CAMK2A: variants seen among roughly 807,000 people sequenced by gnomAD.
CAMK2A encodes the protein calcium/calmodulin-dependent protein kinase type II subunit alpha.
In CAMK2A, 7 loss-of-function variants were observed where a neutral mutation model predicts 79.2. The ratio of observed to expected loss-of-function variants is 0.09; its 90% CI spans 0.05 to 0.17. CAMK2A has a LOEUF of 0.17. Ranked by LOEUF, CAMK2A falls within the 10% of genes least tolerant of loss-of-function variation. The probability of loss-of-function intolerance (pLI) is 1.00; values close to 1 mark genes in which losing one functional copy is unlikely to be tolerated. For missense variants in CAMK2A, 214 were observed against 646.4 expected, an observed-to-expected ratio of 0.33 and a Z score of 7.25; for synonymous variants, 242 against 251.7, an observed-to-expected ratio of 0.96 and a Z score of 0.36.
chr5:150,270,790 G>T (rs1193113313), intron 2 of CAMK2A, among the ~76,000 whole-genome samples: 1 of 152,082 alleles, frequency 6.6e-6, no homozygotes, highest in African/African-American at 2.4e-5. Context: ...GACTCAACAA[G>T]TTGCCAAAGA....
upstream of CAMK2A, chr5:150,289,922 G>C (rs914541385): frequency 5.2e-5 from 24 of 463,842 alleles, no homozygotes; most frequent in Non-Finnish European, 7.9e-6. Context: ...ACCTGCTCTC[G>C]GACGCCCTGA....
intron 15 of CAMK2A, 84 bp downstream of exon 15, chr5:150,238,616 C>T (rs749114631): frequency 8.4e-6 from 11 of 1,307,264 alleles, no homozygotes; most frequent in South Asian, 5.0e-5. Flanking sequence ...GAGGTTGGCA[C>T]GTGGGAGCTG....
chr5:150,275,381 G>A (rs1562196631), intron 1 of CAMK2A, among the ~76,000 whole-genome samples: 1 of 151,838 alleles, frequency 6.6e-6, no homozygotes, highest in Non-Finnish European at 1.5e-5. Flanking sequence ...CTATGAAGGG[G>A]TTTTTTTTCA....
chr5:150,222,923 AC>A (rs1167788949), intron 18 of CAMK2A, 65 bp downstream of exon 18: 2 of 1,510,118 alleles, frequency 1.3e-6, no homozygotes, highest in African/African-American at 2.8e-5. Context: ...CCCCGACGTA[AC>A]CCCCTCCAGG....
At chr5:150,227,195 T>C (rs974233929) in intron 17 of CAMK2A, among the ~76,000 whole-genome samples, 3 of 152,212 alleles carry the variant, frequency 2.0e-5, no homozygotes, top group Non-Finnish European at 2.9e-5. Flanking sequence ...TGCACCATGC[T>C]CCTGCCTGAA....
At chr5:150,238,867 A>G in intron 14 of CAMK2A, 119 bp from the exon 15 acceptor site, 1 of 822,380 alleles carries the variant, frequency 1.2e-6, no homozygotes, top group Non-Finnish European at 1.9e-6. Flanking sequence ...TCTGCCTTCC[A>G]GATGCTGTCC....
chr5:150,259,905 G>T (rs1353400503), intron 3 of CAMK2A, among the ~76,000 whole-genome samples: 1 of 151,832 alleles, frequency 6.6e-6, no homozygotes, highest in Non-Finnish European at 1.5e-5. Context: ...GGAGACGGAG[G>T]TTGCAATAAG....
chr5:150,236,607 G>A (rs1232974465), intron 15 of CAMK2A, among the ~76,000 whole-genome samples: 2 of 152,162 alleles, frequency 1.3e-5, no homozygotes, highest in Admixed American at 6.5e-5. Context: ...TTACCTCCAC[G>A]GTCCCTGCCT....
intron 15 of CAMK2A, among the ~76,000 whole-genome samples, chr5:150,236,521 C>T (rs955375779): frequency 3.9e-5 from 6 of 152,202 alleles, no homozygotes; most frequent in Admixed American, 1.3e-4. Context: ...GTGAAGGAAA[C>T]TGAAGCTCAG....
intron 13 of CAMK2A, among the ~76,000 whole-genome samples, 164 bp from the exon 14 acceptor site, chr5:150,239,900 C>T (rs1301769776): frequency 6.6e-6 from 1 of 152,126 alleles, no homozygotes; most frequent in South Asian, 2.1e-4. Context: ...GGAGTCAAGG[C>T]CACCAGCAAC....
At chr5:150,241,452 C>T (rs563438896) in intron 13 of CAMK2A, among the ~76,000 whole-genome samples, 2 of 138,874 alleles carry the variant, frequency 1.4e-5, no homozygotes, top group African/African-American at 5.4e-5. Context: ...CTCTCTTTTA[C>T]TCCGTTCCCT....
intron 13 of CAMK2A, among the ~76,000 whole-genome samples, chr5:150,241,087 T>C (rs995525305): frequency 1.3e-5 from 2 of 152,224 alleles, no homozygotes; most frequent in African/African-American, 4.8e-5. Context: ...TGAAGGAGGC[T>C]GAGCTACAAA....
At chr5:150,276,572 C>T (rs1224201314) in intron 1 of CAMK2A, among the ~76,000 whole-genome samples, 1 of 152,166 alleles carries the variant, frequency 6.6e-6, no homozygotes, top group Non-Finnish European at 1.5e-5. Context: ...CCTTTAGGTC[C>T]CCCTCTAGCT....
At chr5:150,241,600 TCTC>T (rs1408213732) in intron 13 of CAMK2A, among the ~76,000 whole-genome samples, 3 of 123,926 alleles carry the variant, frequency 2.4e-5, no homozygotes, top group African/African-American at 9.5e-5. Context: ...GTCCTCTTCC[TCTC>T]CTCTCTTCTC....
chr5:150,255,092 C>T (rs990522580), intron 6 of CAMK2A, among the ~76,000 whole-genome samples: 2 of 152,170 alleles, frequency 1.3e-5, no homozygotes, highest in Non-Finnish European at 2.9e-5. Flanking sequence ...TCCTGGGTCT[C>T]GGTAACCGTC....
At chr5:150,240,520 G>A (rs1370146110) in intron 13 of CAMK2A, among the ~76,000 whole-genome samples, 1 of 152,168 alleles carries the variant, frequency 6.6e-6, no homozygotes, top group East Asian at 1.9e-4. Context: ...AGCATTTTGG[G>A]GATTTGTAGC....
chr5:150,276,909 C>A (rs1346701918), intron 1 of CAMK2A, among the ~76,000 whole-genome samples: 1 of 151,990 alleles, frequency 6.6e-6, no homozygotes, highest in Non-Finnish European at 1.5e-5. Flanking sequence ...AATTGGCTGC[C>A]TCAGAATCCC....
At chr5:150,282,122 G>T (rs906819534) in intron 1 of CAMK2A, among the ~76,000 whole-genome samples, 2 of 152,020 alleles carry the variant, frequency 1.3e-5, no homozygotes, top group African/African-American at 4.8e-5. Context: ...CACCTCTCCC[G>T]TCCTCTCGAC....
In CAMK2A at chr5:150,289,651, C is replaced by A; in HGVS notation, c.-26G>T. The A allele has an allele frequency of 6.2e-7, 1 of 1,605,854 alleles. No individual in the cohort carries two copies. Among genetic ancestry groups the A allele is most frequent in the Non-Finnish European group, 8.5e-7 (1 of 1,173,320 alleles). On this transcript the variant is annotated 5_prime_UTR_variant, in exon 1 of 19. Coordinates refer to ENST00000671881, the MANE Select transcript of CAMK2A (RefSeq NM_015981.4). ...CCTGGCGCTGGGCAGGCAGGTGAGG[C>A]TTGGGACTGGGGGACCAGGACTGAG...
Sources: allele counts gnomAD v4.1 joint callset (sites outside exome capture counted in the v4.1 genomes callset), GRCh38; gene constraint gnomAD v4.1.1; transcripts MANE v1.5; gene names NCBI Gene and HGNC (gene_info 2026-07-23, HGNC 2026-07-21).